Variants in SLC26A3 observed in about 807,000 individuals in gnomAD.
SLC26A3 encodes the protein chloride anion exchanger.
A neutral mutation model predicts 85.6 loss-of-function variants in SLC26A3; 64 were observed. That is an observed-to-expected ratio of 0.75 (90% CI 0.61 to 0.92). SLC26A3 has a LOEUF of 0.92. Among genes scored for constraint, SLC26A3 ranks in the 40% least tolerant of loss-of-function variants. The pLI is 0.00. For synonymous variants in SLC26A3, 349 were observed against 336.0 expected, an observed-to-expected ratio of 1.04 and a Z score of -0.42; for missense variants, 922 against 927.3, an observed-to-expected ratio of 0.99 and a Z score of 0.07.
At chr7:107,781,811 A>G (rs544114232) in intron 11 of SLC26A3, among the ~76,000 whole-genome samples, 1 of 152,182 alleles carries the variant, frequency 6.6e-6, no homozygotes, top group Non-Finnish European at 1.5e-5. Flanking sequence ...CCTAGGTAAC[A>G]GCCAATAGAC....
chr7:107,779,688 G>A lies in SLC26A3; in HGVS notation c.1387C>T (p.Arg463Ter), dbSNP rs386833453. 7 of 1,612,984 alleles carry A rather than the reference G, an allele frequency of 4.3e-6. No individual in the cohort carries two copies. Among genetic ancestry groups the A allele is most frequent in the South Asian group, 1.1e-5 (1 of 91,054 alleles). Residue 463 changes from arginine (R) to a stop codon, truncating the protein, a stop_gained, in exon 12 of 21, where the codon CGA (arginine) becomes TGA (stop). Transcript: ENST00000340010. LOFTEE classifies it high-confidence loss of function. ...MQFAEIGRLW[R>*]KDKYDCLIWI... ...CTTACACAATCATATTTGTCCTTTC[G>A]CCACAATCTGCCTATTTCAGCAAAC...
chr7:107,790,863 T>C (rs1050320774), intron 5 of SLC26A3, among the ~76,000 whole-genome samples, 185 bp downstream of exon 5: 7 of 152,182 alleles, frequency 4.6e-5, no homozygotes, highest in African/African-American at 1.7e-4. Flanking sequence ...TTTGTACTGT[T>C]GACCCACTCC....
At chr7:107,803,030 A>G (rs1794623912) in intron 1 of SLC26A3, 81 bp downstream of exon 1, 1 of 152,304 alleles carries the variant, frequency 6.6e-6, no homozygotes, top group Admixed American at 6.5e-5. Flanking sequence ...TAACTCCTAA[A>G]TAGGCTTTGA....
rs1444127774 is a variant in SLC26A3, at chr7:107,776,501, G to A, written c.1628C>T (p.Pro543Leu). The part of the protein sequence containing the change: ...EGVKIFRCPS[P>L]IYFANIGFFR... ...GAAACCAATGTTTGCAAAGTAGATAGGAGATGGACATCTGAAAATTTTCAC... is the reference window on the plus strand; with the variant it reads ...GAAACCAATGTTTGCAAAGTAGATAAGAGATGGACATCTGAAAATTTTCAC... The change falls in exon 15 of 21, where the codon CCT (proline) becomes CTT (leucine). Residue 543 changes from proline to leucine, a missense_variant. Pro to Leu is a moderately conservative substitution (Grantham distance 98, BLOSUM62 -3). Coordinates refer to ENST00000340010, the MANE Select transcript of SLC26A3 (RefSeq NM_000111.3). 1 of 1,614,156 alleles carries A rather than the reference G, an allele frequency of 6.2e-7. No homozygotes were observed. The highest frequency in any genetic ancestry group is 8.5e-7 in the Non-Finnish European group (1 of 1,179,996).
intron 6 of SLC26A3, among the ~76,000 whole-genome samples, chr7:107,788,784 CTTTTTTTT>C (rs71861759): frequency 9.3e-6 from 1 of 108,064 alleles, no homozygotes; most frequent in Non-Finnish European, 1.9e-5. Flanking sequence ...TTTTTCTTTT[CTTTTTTTT>C]TTTTTTTTTG....
intron 5 of SLC26A3, among the ~76,000 whole-genome samples, chr7:107,789,934 T>G (rs979817838): frequency 6.6e-6 from 1 of 152,192 alleles, no homozygotes; most frequent in Non-Finnish European, 1.5e-5. Flanking sequence ...AAGTCTAGTT[T>G]GCCCCCAAGA....
chr7:107,802,241 A>G (rs913564811), intron 1 of SLC26A3, among the ~76,000 whole-genome samples: 14 of 152,162 alleles, frequency 9.2e-5, no homozygotes, highest in African/African-American at 3.4e-4. Context: ...AGAAAGTTGT[A>G]TAATCTTTTC....
chr7:107,787,653 A>C (rs1794320748), intron 6 of SLC26A3, 144 bp from the exon 7 acceptor site: 1 of 698,412 alleles, frequency 1.4e-6, no homozygotes, highest in African/African-American at 1.8e-5. Flanking sequence ...CCCCGGTTTA[A>C]TTGTGAATGT....
chr7:107,776,764 C>T (rs1342273502), intron 13 of SLC26A3, 58 bp from the exon 14 acceptor site: 10 of 1,485,770 alleles, frequency 6.7e-6, no homozygotes, highest in Non-Finnish European at 9.4e-6. Flanking sequence ...GCCTATAAGG[C>T]TAACACTGAC....
chr7:107,765,596 C>G lies in SLC26A3; in HGVS notation c.*259G>C. On this transcript the variant is annotated 3_prime_UTR_variant, in exon 21 of 21. Transcript: ENST00000340010. ...GGTAGTGACTAGGATGGAAATCTGT[C>G]AGTGCTACAAAAATATGTATGAACA... 1 of 433,002 alleles carries G rather than the reference C, an allele frequency of 2.3e-6. No homozygotes were observed. Among genetic ancestry groups the G allele is most frequent in the East Asian group, 4.0e-5 (1 of 25,210 alleles). The allele number at this position is 433,002 out of a possible 1,614,324, so 26.8% of individuals were successfully genotyped here. A position where few individuals can be genotyped will look rare whatever the true frequency, so the allele number is the denominator to read the frequency against.
Position 107,789,536 on chromosome 7 carries a change from A to G in SLC26A3, c.723T>C (p.Val241=). 6.2e-7 allele frequency: 1 copy of G among 1,613,952 alleles called. No homozygotes were observed. Among genetic ancestry groups the G allele is most frequent in the Non-Finnish European group, 8.5e-7 (1 of 1,179,978 alleles). The change falls in exon 6 of 21, where the codon GTT becomes GTC. Residue 241 remains valine, a synonymous_variant. Transcript: ENST00000340010. ...AAGAAATACTTACTTTGAAAATTGAAACTGGATCAGTGTGTGACGGGACTG... is the reference window on the plus strand; with the variant it reads ...AAGAAATACTTACTTTGAAAATTGAGACTGGATCAGTGTGTGACGGGACTG... ...QLTVPSHTDP[V]SIFKVLYSVF...
intron 5 of SLC26A3, among the ~76,000 whole-genome samples, chr7:107,790,784 T>C (rs1458065569): frequency 6.9e-6 from 1 of 144,654 alleles, no homozygotes; most frequent in Non-Finnish European, 1.5e-5. Flanking sequence ...TGTTGAAGCA[T>C]TTCGCTTGTC....
At position 107,776,450 on chromosome 7, in the gene SLC26A3, A is replaced by G. The variant is rs1400336595; in HGVS notation, c.1677+2T>C. The G allele has an allele frequency of 6.2e-7, 1 of 1,609,722 alleles. No homozygotes were observed. Among genetic ancestry groups the G allele is most frequent in the East Asian group, 2.2e-5 (1 of 44,836 alleles). The stretch of plus-strand genomic sequence containing the variant: ...AAAAAATTAAATAACCCCAAACCTT[A>G]CAGCATCGATAAGTTTCCGCCTAAA... On this transcript the variant is annotated splice_donor_variant, in intron 15 of 20. Coordinates refer to ENST00000340010, the MANE Select transcript of SLC26A3 (RefSeq NM_000111.3). LOFTEE classifies it high-confidence loss of function.
At chr7:107,786,627 A>G (rs1324032904) in intron 8 of SLC26A3, among the ~76,000 whole-genome samples, 200 bp downstream of exon 8, 7 of 151,758 alleles carry the variant, frequency 4.6e-5, no homozygotes, top group African/African-American at 1.7e-4. Flanking sequence ...AAAAAAAAAA[A>G]AGAACTGCAC....
chr7:107,783,346 C>T lies in SLC26A3; in HGVS notation c.978G>A (p.Gln326=). Residue 326 remains glutamine (Q), a synonymous_variant, in exon 9 of 21, where the codon CAG becomes CAA. Transcript: ENST00000340010. The stretch of plus-strand genomic sequence containing the variant: ...TCTCCACGTCAGGTGTAATAGGGGG[C>T]TGAAATCTAAAATTGAAATTAAGCA... The part of the protein sequence containing the change: ...AVVGDMNPGF[Q]PPITPDVETF... The T allele has an allele frequency of 6.2e-7, 1 of 1,614,112 alleles. No individual in the cohort carries two copies. The highest frequency in any genetic ancestry group is 8.5e-7 in the Non-Finnish European group (1 of 1,179,986).
intron 20 of SLC26A3, among the ~76,000 whole-genome samples, chr7:107,766,887 T>C (rs1385188394): frequency 1.3e-5 from 2 of 152,082 alleles, no homozygotes; most frequent in African/African-American, 4.8e-5. Flanking sequence ...TCCTTTTTTT[T>C]TTTTCATTTG....
At position 107,765,673 on chromosome 7, in the gene SLC26A3, T is replaced by C. The variant is rs534833629; in HGVS notation, c.*182A>G. 1.7e-5 allele frequency: 9 copies of C among 544,054 alleles called. No individual in the cohort carries two copies. Among genetic ancestry groups the C allele is most frequent in the Middle Eastern group, 4.8e-4 (1 of 2,076 alleles). 33.7% of individuals were successfully genotyped at this position (544,054 alleles called of 1,614,324 possible). A position where few individuals can be genotyped will look rare whatever the true frequency, so the allele number is the denominator to read the frequency against. Reference sequence around the variant, plus strand: ...TACAAGATATAAAATTTAGAATACTTATATAATTTCATACTAGATATGTGA... The same window carrying C: ...TACAAGATATAAAATTTAGAATACTCATATAATTTCATACTAGATATGTGA... On this transcript the variant is annotated 3_prime_UTR_variant, in exon 21 of 21. Transcript: ENST00000340010.
chr7:107,797,739 C>CATTTTTTTTTTT (rs781396459), intron 1 of SLC26A3, among the ~76,000 whole-genome samples: 1 of 70,536 alleles, frequency 1.4e-5, no homozygotes, highest in African/African-American at 8.3e-5. Context: ...TTGAGCAGGA[C>CATTTTTTTTTTT]CTTTTTTTTT....
intron 18 of SLC26A3, among the ~76,000 whole-genome samples, chr7:107,770,050 CTCTTTTCTTTCTTTTTCTTTCTCTCTTT>C (rs1793990364): frequency 1.3e-5 from 1 of 74,160 alleles, no homozygotes. Flanking sequence ...TTCTTTCTTT[CTCTTTTCTTTCTTTTTCTTTCTCTCTTT>C]TTTCTTTCTT....
Sources: gnomAD v4.1 joint callset for allele counts (sites outside exome capture counted in the v4.1 genomes callset) on GRCh38, gnomAD v4.1.1 for gene constraint, MANE v1.5 for transcripts, NCBI Gene and HGNC (gene_info 2026-07-23, HGNC 2026-07-21) for gene names.